The following CNTN4 variants were observed in gnomAD, a reference collection of about 807,000 sequenced individuals.
The protein encoded by CNTN4 is contactin-4.
A neutral mutation model predicts 122.5 loss-of-function variants in CNTN4; 77 were observed. The ratio of observed to expected loss-of-function variants is 0.63; its 90% CI spans 0.52 to 0.76. The LOEUF (loss-of-function observed/expected upper bound fraction) is 0.76, where lower values mean the gene tolerates loss of function less well. Among genes scored for constraint, CNTN4 ranks in the 30% least tolerant of loss-of-function variants. The pLI is 0.00. For synonymous variants in CNTN4, 512 were observed against 447.0 expected, an observed-to-expected ratio of 1.15 and a Z score of -1.83; for missense variants, 1,256 against 1,259.1, an observed-to-expected ratio of 1.00 and a Z score of 0.04.
intron 3 of CNTN4, among the ~76,000 whole-genome samples, chr3:2,481,655 C>T (rs535157246): frequency 5.3e-5 from 8 of 152,202 alleles, no homozygotes; most frequent in Non-Finnish European, 1.0e-4. Flanking sequence ...TATCCCTACC[C>T]AAATCTCATC....
At chr3:2,225,933 T>C (rs1446940424) in intron 2 of CNTN4, among the ~76,000 whole-genome samples, 1 of 152,198 alleles carries the variant, frequency 6.6e-6, no homozygotes, top group Admixed American at 6.5e-5. Context: ...TTCTGCACTA[T>C]AGCTTTTCCT....
intron 4 of CNTN4, among the ~76,000 whole-genome samples, chr3:2,571,904 C>T (rs2079438502): frequency 6.6e-6 from 1 of 152,146 alleles, no homozygotes; most frequent in South Asian, 2.1e-4. Context: ...TGGAGTGTTG[C>T]CTACTTTCAT....
At chr3:2,702,883 TC>T (rs991835260) in intron 4 of CNTN4, among the ~76,000 whole-genome samples, 1 of 152,204 alleles carries the variant, frequency 6.6e-6, no homozygotes, top group Non-Finnish European at 1.5e-5. Flanking sequence ...TACAGCAGTC[TC>T]TTGCCTGACT....
chr3:2,458,800 C>G (rs1448784053), intron 3 of CNTN4, among the ~76,000 whole-genome samples: 3 of 152,086 alleles, frequency 2.0e-5, no homozygotes, highest in African/African-American at 7.2e-5. Flanking sequence ...AATGAAGTAA[C>G]AGTGGAGCTC....
chr3:2,482,395 A>G (rs1357557924), intron 3 of CNTN4, among the ~76,000 whole-genome samples: 2 of 152,138 alleles, frequency 1.3e-5, no homozygotes, highest in Non-Finnish European at 2.9e-5. Context: ...AGCAGATCAT[A>G]AAAGTTTGGA....
rs1365822464 is a variant in CNTN4, at chr3:2,664,846, GA to G, written c.56-71366del. 7.9e-5 allele frequency among the ~76,000 whole-genome samples: 12 copies of G among 152,286 alleles called. No individual in the cohort carries two copies. In the East Asian group the frequency reaches 2.3e-3, roughly 29 times the overall value. On this transcript the variant is annotated intron_variant, in intron 4 of 24. Transcript: ENST00000418658. ...TTTAAAGTAATAGAATGCGATGAGTGAAACCAACTTTCTTTGGAAGAAAGAT... is the reference window on the plus strand; with the variant it reads ...TTTAAAGTAATAGAATGCGATGAGTGAACCAACTTTCTTTGGAAGAAAGAT...
At chr3:2,940,152 A>G (rs2094600618) in intron 13 of CNTN4, among the ~76,000 whole-genome samples, 1 of 152,232 alleles carries the variant, frequency 6.6e-6, no homozygotes. Context: ...GAGAAAAGCA[A>G]AAGGGCTGTG....
At chr3:2,764,686 A>G (rs1458047212) in intron 6 of CNTN4, among the ~76,000 whole-genome samples, 1 of 152,210 alleles carries the variant, frequency 6.6e-6, no homozygotes, top group Non-Finnish European at 1.5e-5. Context: ...GGTATGCAAG[A>G]CAGTAGCTTT....
chr3:2,994,114 T>C (rs1695307098), intron 14 of CNTN4, among the ~76,000 whole-genome samples: 1 of 152,262 alleles, frequency 6.6e-6, no homozygotes, highest in Non-Finnish European at 1.5e-5. Context: ...CCTGGTGTTT[T>C]TTTAAAACAC....
At chr3:2,457,984 G>T (rs192584933) in intron 3 of CNTN4, among the ~76,000 whole-genome samples, 3 of 151,958 alleles carry the variant, frequency 2.0e-5, no homozygotes, top group Admixed American at 2.0e-4. Context: ...AAAGATTCCT[G>T]CTCAGACCAA....
chr3:2,340,710 T>TAGAGAGAGAGAGAGAGAG (rs747326741), intron 3 of CNTN4, among the ~76,000 whole-genome samples: 25 of 18,288 alleles, frequency 1.4e-3, no homozygotes, highest in Admixed American at 5.9e-3. Flanking sequence ...TATATATATA[T>TAGAGAGAGAGAGAGAGAG]AGAGAGAGAG....
At chr3:2,547,662 T>A (rs1022434018) in intron 3 of CNTN4, among the ~76,000 whole-genome samples, 1 of 152,082 alleles carries the variant, frequency 6.6e-6, no homozygotes, top group Non-Finnish European at 1.5e-5. Context: ...GAGGCTCAAC[T>A]GGAAAAACAC....
intron 4 of CNTN4, among the ~76,000 whole-genome samples, chr3:2,594,153 G>A (rs2080642945): frequency 6.6e-6 from 1 of 152,100 alleles, no homozygotes; most frequent in African/African-American, 2.4e-5. Context: ...TTACATAGTT[G>A]TTGGCTCTTT....
intron 4 of CNTN4, among the ~76,000 whole-genome samples, chr3:2,699,988 T>G (rs1014645832): frequency 6.6e-6 from 1 of 152,128 alleles, no homozygotes; most frequent in Non-Finnish European, 1.5e-5. Flanking sequence ...ACAGATGGAA[T>G]GGCAAGCTGT....
chr3:2,970,328 A>G (rs1390911028), intron 13 of CNTN4, among the ~76,000 whole-genome samples: 4 of 152,134 alleles, frequency 2.6e-5, no homozygotes, highest in Non-Finnish European at 5.9e-5. Context: ...AACTCCTAGG[A>G]TCGAGTGATC....
At chr3:2,297,986 C>A (rs2042375906) in intron 2 of CNTN4, among the ~76,000 whole-genome samples, 1 of 152,188 alleles carries the variant, frequency 6.6e-6, no homozygotes, top group Non-Finnish European at 1.5e-5. Context: ...CCTGCCTTGG[C>A]CTCCCAAAGG....
intron 13 of CNTN4, among the ~76,000 whole-genome samples, chr3:2,972,407 A>G (rs1477417710): frequency 6.6e-6 from 1 of 152,148 alleles, no homozygotes; most frequent in East Asian, 1.9e-4. Flanking sequence ...GACATGTCTA[A>G]CAGTTCTGCA....
At chr3:2,749,098 C>G (rs1289914680) in intron 6 of CNTN4, among the ~76,000 whole-genome samples, 1 of 152,198 alleles carries the variant, frequency 6.6e-6, no homozygotes, top group African/African-American at 2.4e-5. Flanking sequence ...CTCCTCCTCT[C>G]TGCTGACCTT....
intron 7 of CNTN4, among the ~76,000 whole-genome samples, chr3:2,832,641 A>G (rs567739354): frequency 6.6e-6 from 1 of 152,340 alleles, no homozygotes; most frequent in East Asian, 1.9e-4. Context: ...GCACATGAGT[A>G]TGGACATGGG....
Sources: gnomAD v4.1 joint callset for allele counts (sites outside exome capture counted in the v4.1 genomes callset) on GRCh38, gnomAD v4.1.1 for gene constraint, MANE v1.5 for transcripts, NCBI Gene and HGNC (gene_info 2026-07-23, HGNC 2026-07-21) for gene names.